Variants in KCNH1 observed in about 807,000 individuals in gnomAD.
The protein encoded by KCNH1 is voltage-gated delayed rectifier potassium channel KCNH1.
A neutral mutation model predicts 69.2 loss-of-function variants in KCNH1; 27 were observed. The ratio of observed to expected loss-of-function variants is 0.39; its 90% confidence interval spans 0.29 to 0.54. KCNH1 has a LOEUF of 0.54. Among genes scored for constraint, KCNH1 ranks in the 20% least tolerant of loss-of-function variants. The pLI, the probability that KCNH1 is intolerant of heterozygous loss-of-function variation, is 0.68. For missense variants in KCNH1, 798 were observed against 1,261.6 expected, an observed-to-expected ratio of 0.63 and a Z score of 5.57; for synonymous variants, 456 against 487.7, an observed-to-expected ratio of 0.93 and a Z score of 0.86.
At chr1:210,803,806 T>C (rs542214572) in intron 8 of KCNH1, among the ~76,000 whole-genome samples, 161 bp downstream of exon 8, 25 of 152,316 alleles carry the variant, frequency 1.6e-4, no homozygotes, top group African/African-American at 5.8e-4. Context: ...AAGGCTGATC[T>C]AGAAGCAAAC....
intron 5 of KCNH1, among the ~76,000 whole-genome samples, chr1:211,081,373 C>G (rs1690855871): frequency 6.6e-6 from 1 of 152,190 alleles, no homozygotes; most frequent in African/African-American, 2.4e-5. Flanking sequence ...GTTGGTGGGA[C>G]TGTAAACTAG....
At chr1:210,922,383 C>CAAAAAAAAAAAAAA (rs758026291) in intron 6 of KCNH1, among the ~76,000 whole-genome samples, 3 of 98,320 alleles carry the variant, frequency 3.1e-5, no homozygotes, top group South Asian at 3.6e-4. Context: ...GACTCCGTCT[C>CAAAAAAAAAAAAAA]AAAAAAAAAA....
chr1:210,684,593 T>C (rs1162286329), intron 10 of KCNH1, among the ~76,000 whole-genome samples: 2 of 152,176 alleles, frequency 1.3e-5, no homozygotes. Context: ...GCACAAAAGT[T>C]TGAGCATCTC....
chr1:210,732,994 G>C (rs1256832520), intron 10 of KCNH1, among the ~76,000 whole-genome samples: 1 of 152,170 alleles, frequency 6.6e-6, no homozygotes, highest in Admixed American at 6.5e-5. Flanking sequence ...GGGCACAGCA[G>C]CTCTCCGAGG....
At chr1:211,131,354 G>A (rs1691873031) in intron 1 of KCNH1, among the ~76,000 whole-genome samples, 1 of 152,206 alleles carries the variant, frequency 6.6e-6, no homozygotes, top group Admixed American at 6.5e-5. Context: ...TTATAATGCT[G>A]AGAGAAGGAT....
chr1:210,839,515 G>C (rs1574288078), intron 7 of KCNH1, among the ~76,000 whole-genome samples: 1 of 152,272 alleles, frequency 6.6e-6, no homozygotes, highest in East Asian at 1.9e-4. Context: ...GATCTGTGCA[G>C]TATACCACCA....
intron 6 of KCNH1, among the ~76,000 whole-genome samples, chr1:210,967,809 G>T (rs1688435416): frequency 6.6e-6 from 1 of 151,814 alleles, no homozygotes; most frequent in South Asian, 2.1e-4. Context: ...TTAGGAATTT[G>T]AACAAAATAT....
At position 211,042,951 on chromosome 1, in the gene KCNH1, G is replaced by A. The variant is rs879482403; in HGVS notation, c.559-23695C>T. ...CACAATCTATCAAAACCTGTGGGAT[G>A]CAGCAAAGGTGGTGCTAGACAGAAG... On this transcript the variant is annotated intron_variant, in intron 5 of 10. Coordinates refer to ENST00000271751, the MANE Select transcript of KCNH1 (RefSeq NM_172362.3). Among the ~76,000 whole-genome samples the A allele has an allele frequency of 2.0e-5, 3 of 152,120 alleles. No homozygotes were observed. In the East Asian group the frequency reaches 5.8e-4, roughly 29 times the overall value.
At chr1:211,074,577 A>C (rs938531289) in intron 5 of KCNH1, among the ~76,000 whole-genome samples, 1 of 152,216 alleles carries the variant, frequency 6.6e-6, no homozygotes, top group Admixed American at 6.5e-5. Flanking sequence ...ATGGGTATCA[A>C]GTTGACAAGA....
At chr1:211,000,836 C>A (rs1394269894) in intron 6 of KCNH1, among the ~76,000 whole-genome samples, 2 of 152,130 alleles carry the variant, frequency 1.3e-5, no homozygotes, top group African/African-American at 4.8e-5. Flanking sequence ...TGGAACAGAA[C>A]AGAGCCCTCA....
At chr1:211,025,404 T>C (rs1689666333) in intron 5 of KCNH1, among the ~76,000 whole-genome samples, 1 of 152,130 alleles carries the variant, frequency 6.6e-6, no homozygotes, top group Admixed American at 6.5e-5. Context: ...TCCACCCCTC[T>C]TACCAATGCA....
chr1:210,834,590 C>T (rs1329113395), intron 7 of KCNH1, among the ~76,000 whole-genome samples: 1 of 146,804 alleles, frequency 6.8e-6, no homozygotes, highest in African/African-American at 2.5e-5. Context: ...TGCTAGATGA[C>T]GAGTTAGTGG....
chr1:211,002,975 G>T (rs1689216133), intron 6 of KCNH1, among the ~76,000 whole-genome samples: 1 of 152,076 alleles, frequency 6.6e-6, no homozygotes, highest in Non-Finnish European at 1.5e-5. Context: ...ACTACACCAG[G>T]GGTCAGCCAA....
chr1:211,004,422 C>T (rs1689241453), intron 6 of KCNH1, among the ~76,000 whole-genome samples: 1 of 152,010 alleles, frequency 6.6e-6, no homozygotes, highest in Non-Finnish European at 1.5e-5. Context: ...GAGTTTAAAG[C>T]ATTCTAAAAT....
At chr1:210,719,758 T>C (rs1682408253) in intron 10 of KCNH1, among the ~76,000 whole-genome samples, 2 of 152,150 alleles carry the variant, frequency 1.3e-5, no homozygotes, top group South Asian at 2.1e-4. Flanking sequence ...ATATGTGGAA[T>C]AAGATGAATA....
chr1:211,029,658 G>C (rs1689747622), intron 5 of KCNH1, among the ~76,000 whole-genome samples: 2 of 152,070 alleles, frequency 1.3e-5, no homozygotes, highest in South Asian at 4.1e-4. Context: ...CAAAATATCA[G>C]CTCTCACAAT....
chr1:210,756,645 CTGGGA>C (rs1683406432), intron 10 of KCNH1, among the ~76,000 whole-genome samples: 1 of 152,192 alleles, frequency 6.6e-6, no homozygotes, highest in Non-Finnish European at 1.5e-5. Context: ...TGAGGAGCCA[CTGGGA>C]CTCTATAACA....
In KCNH1 at chr1:210,936,291, T is replaced by C. The variant is rs147445109; in HGVS notation, c.1033-16222A>G. Among the ~76,000 whole-genome samples, 607 of 152,348 alleles carry C rather than the reference T, an allele frequency of 4.0e-3. 3 individuals are homozygous for C. Among genetic ancestry groups the C allele is most frequent in the Middle Eastern group, 0.017 (5 of 294 alleles). The stretch of plus-strand genomic sequence containing the variant: ...TTTCGATGCTTCCCTCTGAGACCTC[T>C]GGAACCCATCTTCATGTGTAGAGAA... On this transcript the variant is annotated intron_variant, in intron 6 of 10. Transcript: ENST00000271751.
rs556932338 is a variant in KCNH1, at chr1:210,907,059, T to G, written c.1462+12581A>C. Reference sequence around the variant, plus strand: ...AGAAAGTGAAAAGGCACTTTCACTTTCTTGCAAATTATGTATCTGACAGAT... The same window carrying G: ...AGAAAGTGAAAAGGCACTTTCACTTGCTTGCAAATTATGTATCTGACAGAT... On this transcript the variant is annotated intron_variant, in intron 7 of 10. Transcript: ENST00000271751. 2.0e-5 allele frequency among the ~76,000 whole-genome samples: 3 copies of G among 152,354 alleles called. No homozygotes were observed. The South Asian group carries it at 6.2e-4, about 32-fold the overall frequency.
Sources: gnomAD v4.1 joint callset for allele counts (sites outside exome capture counted in the v4.1 genomes callset) on GRCh38, gnomAD v4.1.1 for gene constraint, MANE v1.5 for transcripts, NCBI Gene and HGNC (gene_info 2026-07-23, HGNC 2026-07-21) for gene names.